CTNND2: variants seen among roughly 807,000 people sequenced by gnomAD.
The protein encoded by CTNND2 is catenin delta 2.
CTNND2 carries 22 observed loss-of-function variants against 144.4 expected under a neutral mutation model. The observed-to-expected ratio is 0.15, with a 90% CI of 0.11 to 0.22. The LOEUF (loss-of-function observed/expected upper bound fraction) is 0.22, where lower values mean the gene tolerates loss of function less well. Among genes scored for constraint, CTNND2 ranks in the 10% least tolerant of loss-of-function variants. The probability of loss-of-function intolerance (pLI) is 1.00; values close to 1 mark genes in which losing one functional copy is unlikely to be tolerated. For missense variants in CTNND2, 1,353 were observed against 1,618.8 expected (o/e 0.84, Z 2.82); for synonymous variants, 751 against 695.6 (o/e 1.08, Z -1.25).
At chr5:11,086,437 G>A (rs1030940437) in intron 15 of CTNND2, among the ~76,000 whole-genome samples, 2 of 152,192 alleles carry the variant, frequency 1.3e-5, no homozygotes, top group African/African-American at 2.4e-5. Context: ...GGCAGGAGAG[G>A]ATGAAGGTGA....
At chr5:11,517,371 T>G (rs910821511) in intron 3 of CTNND2, among the ~76,000 whole-genome samples, 1 of 152,214 alleles carries the variant, frequency 6.6e-6, no homozygotes, top group Non-Finnish European at 1.5e-5. Flanking sequence ...AAGGTAATTC[T>G]CAAACTGTCT....
chr5:11,599,557 C>T (rs1254115445), intron 2 of CTNND2, among the ~76,000 whole-genome samples: 1 of 152,160 alleles, frequency 6.6e-6, no homozygotes, highest in Admixed American at 6.5e-5. Flanking sequence ...TCAAACATGA[C>T]ATCCATGACT....
At chr5:11,049,924 G>T (rs1745661907) in intron 16 of CTNND2, among the ~76,000 whole-genome samples, 1 of 152,184 alleles carries the variant, frequency 6.6e-6, no homozygotes, top group Non-Finnish European at 1.5e-5. Flanking sequence ...GCTACATACA[G>T]ACTACTGTTA....
chr5:11,497,516 GGGT>G (rs1395682907), intron 3 of CTNND2, among the ~76,000 whole-genome samples: 815 of 63,252 alleles, frequency 0.013, 28 homozygotes, highest in African/African-American at 0.028. Context: ...ATGTGCGGGG[GGGT>G]GGGGGGGGGC....
intron 1 of CTNND2, among the ~76,000 whole-genome samples, chr5:11,869,235 C>A (rs1795913781): frequency 6.6e-6 from 1 of 152,050 alleles, no homozygotes; most frequent in Non-Finnish European, 1.5e-5. Flanking sequence ...GGTATATACC[C>A]AAAAGAACTG....
At chr5:11,623,800 GTGTGT>G (rs1780987763) in intron 2 of CTNND2, among the ~76,000 whole-genome samples, 1 of 85,670 alleles carries the variant, frequency 1.2e-5, no homozygotes, top group African/African-American at 5.9e-5. Context: ...ATATATATAT[GTGTGT>G]ATGTATATAT....
At chr5:11,290,286 C>A (rs1483620737) in intron 9 of CTNND2, among the ~76,000 whole-genome samples, 1 of 152,178 alleles carries the variant, frequency 6.6e-6, no homozygotes, top group African/African-American at 2.4e-5. Flanking sequence ...CCTGTGAGAA[C>A]AAAACAGGTT....
At chr5:11,636,238 T>C (rs905754161) in intron 2 of CTNND2, among the ~76,000 whole-genome samples, 5 of 152,176 alleles carry the variant, frequency 3.3e-5, no homozygotes, top group African/African-American at 9.6e-5. Flanking sequence ...CTATAGGATA[T>C]AGCTATAACT....
chr5:11,397,625 C>G (rs898344310), intron 5 of CTNND2, among the ~76,000 whole-genome samples: 3 of 152,244 alleles, frequency 2.0e-5, no homozygotes, highest in African/African-American at 7.2e-5. Context: ...CTAAAACACT[C>G]GAAACCTTCC....
intron 1 of CTNND2, among the ~76,000 whole-genome samples, chr5:11,737,276 C>T (rs1193243895): frequency 6.6e-6 from 1 of 152,166 alleles, no homozygotes; most frequent in African/African-American, 2.4e-5. Flanking sequence ...TAGAAAAATG[C>T]ACCCCTTTGA....
chr5:11,448,778 T>G (rs1328445699), intron 3 of CTNND2, among the ~76,000 whole-genome samples: 2 of 152,042 alleles, frequency 1.3e-5, no homozygotes, highest in South Asian at 2.1e-4. Context: ...AAGTGATCCT[T>G]CCACCTCAGC....
chr5:11,082,587 C>G, intron 16 of CTNND2, 109 bp downstream of exon 16: 1 of 1,278,756 alleles, frequency 7.8e-7, no homozygotes, highest in Non-Finnish European at 1.1e-6. Flanking sequence ...CTAATAAATG[C>G]ACGGCTTCTG....
chr5:11,492,808 C>T (rs141484421), intron 3 of CTNND2, among the ~76,000 whole-genome samples: 2,509 of 151,998 alleles, frequency 0.017, 69 homozygotes, highest in African/African-American at 0.058. Flanking sequence ...TGGTGGCTCA[C>T]GCCTGTAATC....
At chr5:11,339,365 G>A (rs1204082633) in intron 9 of CTNND2, among the ~76,000 whole-genome samples, 4 of 152,044 alleles carry the variant, frequency 2.6e-5, no homozygotes, top group African/African-American at 9.7e-5. Flanking sequence ...CATGCTATGG[G>A]GAAATAAGGC....
intron 12 of CTNND2, among the ~76,000 whole-genome samples, chr5:11,141,924 A>C (rs1756769090): frequency 6.6e-6 from 1 of 152,194 alleles, no homozygotes; most frequent in African/African-American, 2.4e-5. Context: ...CAATGGATTA[A>C]CATTTTTATG....
intron 9 of CTNND2, among the ~76,000 whole-genome samples, chr5:11,287,729 G>C (rs1040697560): frequency 7.9e-5 from 12 of 152,184 alleles, no homozygotes; most frequent in African/African-American, 2.9e-4. Flanking sequence ...ACAATTCTGA[G>C]AGCTGCATTT....
intron 16 of CTNND2, among the ~76,000 whole-genome samples, chr5:11,068,800 C>T (rs1310160886): frequency 6.6e-6 from 1 of 152,110 alleles, no homozygotes. Flanking sequence ...GCCTGTAGTC[C>T]CAGCTATGTG....
At chr5:11,246,461 T>C (rs980452334) in intron 9 of CTNND2, among the ~76,000 whole-genome samples, 2 of 151,858 alleles carry the variant, frequency 1.3e-5, no homozygotes, top group African/African-American at 2.4e-5. Context: ...GCTGGAGTGA[T>C]GCAGCCACAA....
At chr5:11,419,026 CTATATATAGA>C (rs1561363851) in intron 3 of CTNND2, among the ~76,000 whole-genome samples, 1 of 125,128 alleles carries the variant, frequency 8.0e-6, no homozygotes, top group African/African-American at 2.9e-5. Flanking sequence ...AGATGTCTAT[CTATATATAGA>C]TATATAGATA....
Sources: gnomAD v4.1 joint callset for allele counts (sites outside exome capture counted in the v4.1 genomes callset) on GRCh38, gnomAD v4.1.1 for gene constraint, MANE v1.5 for transcripts, NCBI Gene and HGNC (gene_info 2026-07-23, HGNC 2026-07-21) for gene names.